MYT1L: variants seen among roughly 807,000 people sequenced by gnomAD.
The protein encoded by MYT1L is myelin transcription factor 1-like protein.
In MYT1L, 12 loss-of-function variants were observed where a neutral mutation model predicts 126.7. That is an observed-to-expected ratio of 0.09 (90% CI 0.06 to 0.15). MYT1L has a LOEUF of 0.15. MYT1L is among the 10% of genes least tolerant of loss of function. The pLI, the probability that MYT1L is intolerant of heterozygous loss-of-function variation, is 1.00. For missense variants in MYT1L, 979 were observed against 1,585.2 expected (o/e 0.62, Z 6.49); for synonymous variants, 541 against 604.2 (o/e 0.90, Z 1.53).
At chr2:2,294,453 C>T (rs560876761) in intron 1 of MYT1L, among the ~76,000 whole-genome samples, 15 of 152,294 alleles carry the variant, frequency 9.8e-5, no homozygotes, top group African/African-American at 3.1e-4. Context: ...CCAGAAGCCG[C>T]GTCTGATGCC....
chr2:1,800,662 G>C (rs1429724690), intron 23 of MYT1L, among the ~76,000 whole-genome samples: 1 of 152,210 alleles, frequency 6.6e-6, no homozygotes, highest in African/African-American at 2.4e-5. Context: ...TATGGGAAAG[G>C]CCCTCAACCT....
chr2:2,185,188 G>A (rs988762492), intron 2 of MYT1L, among the ~76,000 whole-genome samples: 13 of 152,034 alleles, frequency 8.6e-5, no homozygotes, highest in Non-Finnish European at 7.4e-5. Context: ...CCTTATAAAA[G>A]GCCTAGACTT....
intron 3 of MYT1L, among the ~76,000 whole-genome samples, chr2:2,062,496 C>T (rs1244503495): frequency 6.6e-6 from 1 of 152,148 alleles, no homozygotes; most frequent in East Asian, 1.9e-4. Context: ...TGCCCCATCT[C>T]TTGTAATCTC....
intron 3 of MYT1L, among the ~76,000 whole-genome samples, chr2:2,172,341 C>A (rs1292735689): frequency 2.0e-5 from 3 of 152,154 alleles, no homozygotes; most frequent in African/African-American, 7.2e-5. Context: ...ATTCCCTCCC[C>A]ACTGGCCACC....
chr2:2,191,183 A>T (rs2092571341), intron 2 of MYT1L, among the ~76,000 whole-genome samples: 2 of 152,180 alleles, frequency 1.3e-5, no homozygotes. Flanking sequence ...CTAGGCATGG[A>T]TGGAATGGCT....
intron 3 of MYT1L, among the ~76,000 whole-genome samples, chr2:2,075,077 C>T (rs2075068675): frequency 6.6e-6 from 1 of 152,130 alleles, no homozygotes; most frequent in South Asian, 2.1e-4. Context: ...GAGTCAAGCC[C>T]AAGTCCACAC....
chr2:2,307,954 C>T (rs1233988349), intron 1 of MYT1L, among the ~76,000 whole-genome samples: 1 of 151,194 alleles, frequency 6.6e-6, no homozygotes, highest in Non-Finnish European at 1.5e-5. Context: ...CAGTACACTC[C>T]ACCTATACTC....
intron 2 of MYT1L, among the ~76,000 whole-genome samples, chr2:2,239,981 T>G (rs1239033885): frequency 6.6e-6 from 1 of 152,170 alleles, no homozygotes; most frequent in African/African-American, 2.4e-5. Context: ...TCTCTATTTC[T>G]CCTTGTCTCT....
At chr2:2,038,304 T>C (rs1051197999) in intron 4 of MYT1L, among the ~76,000 whole-genome samples, 2 of 152,178 alleles carry the variant, frequency 1.3e-5, no homozygotes, top group African/African-American at 4.8e-5. Context: ...TTATACAATT[T>C]TAAGTGTGTC....
At chr2:1,946,691 T>A (rs2057260354) in intron 8 of MYT1L, among the ~76,000 whole-genome samples, 1 of 151,968 alleles carries the variant, frequency 6.6e-6, no homozygotes, top group East Asian at 1.9e-4. Flanking sequence ...AGAAAAAAAA[T>A]TCATCTATAG....
intron 21 of MYT1L, among the ~76,000 whole-genome samples, chr2:1,814,534 G>A (rs949994395): frequency 6.6e-6 from 1 of 152,202 alleles, no homozygotes; most frequent in Non-Finnish European, 1.5e-5. Context: ...TAGTAAAAAT[G>A]CACAGCATAG....
At chr2:2,146,996 T>G (rs2084981333) in intron 3 of MYT1L, among the ~76,000 whole-genome samples, 1 of 152,140 alleles carries the variant, frequency 6.6e-6, no homozygotes, top group Admixed American at 6.5e-5. Flanking sequence ...AGCTTAGGAG[T>G]TGCCTCATGA....
chr2:2,111,804 T>C (rs1258573397), intron 3 of MYT1L, among the ~76,000 whole-genome samples: 1 of 152,158 alleles, frequency 6.6e-6, no homozygotes, highest in East Asian at 1.9e-4. Context: ...GAATTTGCCT[T>C]GGGTGTTGAA....
At chr2:2,312,390 C>T (rs991447134) in intron 1 of MYT1L, among the ~76,000 whole-genome samples, 4 of 152,024 alleles carry the variant, frequency 2.6e-5, no homozygotes, top group African/African-American at 9.7e-5. Flanking sequence ...ACAGGTGGAT[C>T]GCTCGAGCTC....
chr2:1,830,211 G>C lies in MYT1L; in HGVS notation c.3080+8938C>G, dbSNP rs1030342778. On this transcript the variant is annotated intron_variant, in intron 21 of 24. Transcript: ENST00000647738. ...GAGATAGTGGAAAGGAGTCACTCAC[G>C]GGGGGTCAGGCAGCCTGGACCTGAG... Among the ~76,000 whole-genome samples the C allele has an allele frequency of 2.6e-5, 4 of 152,242 alleles. No individual in the cohort carries two copies. The South Asian group carries it at 8.3e-4, about 32-fold the overall frequency.
chr2:2,149,590 A>C (rs1251917400), intron 3 of MYT1L, among the ~76,000 whole-genome samples: 1 of 152,186 alleles, frequency 6.6e-6, no homozygotes, highest in Non-Finnish European at 1.5e-5. Context: ...AAGGAGGAGA[A>C]TTCAGTCATG....
At chr2:2,311,157 CA>C (rs1230202551) in intron 1 of MYT1L, among the ~76,000 whole-genome samples, 3 of 152,122 alleles carry the variant, frequency 2.0e-5, no homozygotes, top group African/African-American at 7.2e-5. Flanking sequence ...CTACAAATGA[CA>C]TGTAAGAAAC....
chr2:1,909,684 T>C (rs760342921), intron 13 of MYT1L, among the ~76,000 whole-genome samples: 6 of 152,148 alleles, frequency 3.9e-5, no homozygotes, highest in South Asian at 2.1e-4. Flanking sequence ...TCATTTAACC[T>C]CCGCACTCTG....
At chr2:2,201,289 G>A (rs1245662923) in intron 2 of MYT1L, among the ~76,000 whole-genome samples, 1 of 152,166 alleles carries the variant, frequency 6.6e-6, no homozygotes, top group Admixed American at 6.5e-5. Flanking sequence ...GCTCCAGAAT[G>A]TACTTAGCTT....
Sources: gnomAD v4.1 joint callset for allele counts (sites outside exome capture counted in the v4.1 genomes callset) on GRCh38, gnomAD v4.1.1 for gene constraint, MANE v1.5 for transcripts, NCBI Gene and HGNC (gene_info 2026-07-23, HGNC 2026-07-21) for gene names.